Variants in DTNB observed in about 807,000 individuals in gnomAD.
DTNB encodes DTN-B.
Under a neutral mutation model 90.7 loss-of-function variants are expected in DTNB, and 63 were observed. That is an observed-to-expected ratio of 0.69 (90% CI 0.57 to 0.86). The LOEUF (loss-of-function observed/expected upper bound fraction) is 0.86, where lower values mean the gene tolerates loss of function less well. DTNB is among the 40% of genes least tolerant of loss of function. The pLI is 0.00. For missense variants in DTNB, 744 were observed against 807.1 expected (o/e 0.92, Z 0.95); for synonymous variants, 277 against 286.7 (o/e 0.97, Z 0.34).
At chr2:25,619,762 C>T (rs915182842) in intron 4 of DTNB, among the ~76,000 whole-genome samples, 4 of 152,108 alleles carry the variant, frequency 2.6e-5, no homozygotes, top group Admixed American at 2.0e-4. Context: ...TGGGTTGAGG[C>T]CGGGTGCAGT....
chr2:25,420,467 AATCTATCTATCTATCT>A (rs70947889), intron 15 of DTNB, among the ~76,000 whole-genome samples: 4,391 of 145,614 alleles, frequency 0.03, 80 homozygotes, highest in Non-Finnish European at 0.035. Context: ...CATCTAAATC[AATCTATCTATCTATCT>A]ATCTATCTAT....
At chr2:25,493,779 T>C (rs940707644) in intron 9 of DTNB, among the ~76,000 whole-genome samples, 4 of 152,320 alleles carry the variant, frequency 2.6e-5, no homozygotes, top group East Asian at 3.9e-4. Flanking sequence ...ATAAAACAAG[T>C]TGAAGACTGT....
At chr2:25,639,692 C>A (rs927394022) in intron 2 of DTNB, among the ~76,000 whole-genome samples, 2 of 152,084 alleles carry the variant, frequency 1.3e-5, no homozygotes, top group Admixed American at 1.3e-4. Context: ...TCTAGAGATT[C>A]TTTCCTTCCA....
At chr2:25,398,855 ACTAT>A (rs1157766065) in intron 16 of DTNB, among the ~76,000 whole-genome samples, 1 of 152,164 alleles carries the variant, frequency 6.6e-6, no homozygotes, top group African/African-American at 2.4e-5. Context: ...CCATCACAGC[ACTAT>A]CTCACTTCTT....
At chr2:25,605,134 C>G (rs2066824205) in intron 5 of DTNB, among the ~76,000 whole-genome samples, 1 of 152,328 alleles carries the variant, frequency 6.6e-6, no homozygotes, top group South Asian at 2.1e-4. Flanking sequence ...TTGAACATCT[C>G]AAGCCCAAGC....
Position 25,534,549 on chromosome 2 carries a change from G to C in DTNB, c.877-2952C>G, listed in dbSNP as rs1396576771. On this transcript the variant is annotated intron_variant, in intron 8 of 20. Transcript: ENST00000406818. ...GCTGCTGGGTACACTTCCCAGATGG[G>C]GCGGCCTGGCAGAGGCGCTCCTTCA... is the stretch of plus-strand genomic sequence containing the variant. 3.9e-5 allele frequency among the ~76,000 whole-genome samples: 6 copies of C among 152,110 alleles called. No individual in the cohort carries two copies. The East Asian group carries it at 1.2e-3, about 29-fold the overall frequency.
chr2:25,612,265 C>G (rs1327553002), intron 4 of DTNB, among the ~76,000 whole-genome samples: 1 of 151,866 alleles, frequency 6.6e-6, no homozygotes, highest in Non-Finnish European at 1.5e-5. Context: ...AGGTATAGAA[C>G]AAAATAATTG....
At chr2:25,409,063 G>A (rs180813982) in intron 16 of DTNB, among the ~76,000 whole-genome samples, 201 of 152,292 alleles carry the variant, frequency 1.3e-3, no homozygotes, top group Non-Finnish European at 1.8e-4. Context: ...TGCAGCTGAT[G>A]TTTTCTTAGG....
intron 9 of DTNB, among the ~76,000 whole-genome samples, chr2:25,491,634 C>T (rs970576204): frequency 6.6e-6 from 1 of 152,096 alleles, no homozygotes; most frequent in African/African-American, 2.4e-5. Context: ...CGATAGCAGA[C>T]TCTTTTTCCC....
At chr2:25,389,559 G>C (rs1213109455) in intron 16 of DTNB, among the ~76,000 whole-genome samples, 1 of 152,232 alleles carries the variant, frequency 6.6e-6, no homozygotes, top group Non-Finnish European at 1.5e-5. Context: ...ACTGAGATGT[G>C]GGCTCTGTAG....
At chr2:25,658,082 C>A (rs2082414853) in intron 1 of DTNB, among the ~76,000 whole-genome samples, 1 of 151,858 alleles carries the variant, frequency 6.6e-6, no homozygotes, top group Admixed American at 6.6e-5. Context: ...CATGGCGAAA[C>A]CCTGTCTCTA....
Position 25,561,891 on chromosome 2 carries a change from C to CA in DTNB, c.876+14946dup, listed in dbSNP as rs1000673442. Among the ~76,000 whole-genome samples the CA allele has an allele frequency of 4.6e-5, 7 of 151,964 alleles. No individual in the cohort carries two copies. In the South Asian group the frequency reaches 8.3e-4, roughly 18 times the overall value. ...TCTCAGGTATTCCTTTATAGTAATG[C>CA]AAAAAAAGAATACATTGAGATACTA... On this transcript the variant is annotated intron_variant, in intron 8 of 20. Transcript: ENST00000406818.
At chr2:25,584,060 A>C (rs988891936) in intron 6 of DTNB, among the ~76,000 whole-genome samples, 5 of 152,196 alleles carry the variant, frequency 3.3e-5, no homozygotes, top group African/African-American at 1.2e-4. Flanking sequence ...CAGTTTTCTC[A>C]TCTTTCAAGG....
At chr2:25,570,501 T>G (rs1045423018) in intron 8 of DTNB, among the ~76,000 whole-genome samples, 3 of 151,656 alleles carry the variant, frequency 2.0e-5, no homozygotes, top group Admixed American at 6.6e-5. Flanking sequence ...TCTAGCTGTC[T>G]CCATCTTTCT....
intron 8 of DTNB, among the ~76,000 whole-genome samples, chr2:25,539,577 CTTTTT>C (rs376900916): frequency 1.6e-5 from 2 of 123,338 alleles, no homozygotes; most frequent in African/African-American, 3.0e-5. Flanking sequence ...ACTGGATTGC[CTTTTT>C]TTTTTTTTTT....
At position 25,387,243 on chromosome 2, in the gene DTNB, C is replaced by T; in HGVS notation, c.1825+46G>A. The T allele has an allele frequency of 6.3e-7, 1 of 1,579,676 alleles. No homozygotes were observed. The highest frequency in any genetic ancestry group is 1.1e-5 in the South Asian group (1 of 88,866). On this transcript the variant is annotated intron_variant, in intron 18 of 20. Coordinates refer to ENST00000406818, the MANE Select transcript of DTNB (RefSeq NM_021907.5). The surrounding 1 kb of genome is among the most constrained non-coding windows in gnomAD (Gnocchi z 4.5). ...GGCAAGGAAGTGAGAAGGGCGCGGGCAAGGCAGGGGAGGCCAGGAAGCTGG... is the reference window on the plus strand; with the variant it reads ...GGCAAGGAAGTGAGAAGGGCGCGGGTAAGGCAGGGGAGGCCAGGAAGCTGG...
chr2:25,581,902 G>A (rs893476109), intron 6 of DTNB, among the ~76,000 whole-genome samples: 6 of 152,162 alleles, frequency 3.9e-5, no homozygotes, highest in African/African-American at 7.2e-5. Flanking sequence ...CATGGCCGTC[G>A]GCTGCCTCCT....
chr2:25,585,036 G>T (rs137918387), intron 6 of DTNB, among the ~76,000 whole-genome samples: 2 of 152,278 alleles, frequency 1.3e-5, no homozygotes, highest in African/African-American at 4.8e-5. Flanking sequence ...TTTATGAAAG[G>T]CAGGTTGGCT....
intron 8 of DTNB, among the ~76,000 whole-genome samples, chr2:25,558,572 C>T (rs1471838869): frequency 6.6e-6 from 1 of 152,202 alleles, no homozygotes; most frequent in East Asian, 1.9e-4. Context: ...AATCAGGCTA[C>T]AGTTGAAAAA....
Sources: allele counts gnomAD v4.1 joint callset (sites outside exome capture counted in the v4.1 genomes callset), GRCh38; gene constraint gnomAD v4.1.1; non-coding constraint Gnocchi (gnomAD v3.1); transcripts MANE v1.5; gene names NCBI Gene and HGNC (gene_info 2026-07-23, HGNC 2026-07-21).